ACOXL: variants seen among roughly 807,000 people sequenced by gnomAD.
ACOXL encodes the protein acyl-coenzyme A oxidase-like protein.
A neutral mutation model predicts 71.9 loss-of-function variants in ACOXL; 70 were observed. The observed-to-expected ratio is 0.97, with a 90% CI of 0.80 to 1.19. The LOEUF (loss-of-function observed/expected upper bound fraction) is 1.19. Among genes scored for constraint, ACOXL ranks in the 50% most tolerant of loss-of-function variants. The pLI is 0.00. For synonymous variants in ACOXL, 253 were observed against 281.6 expected, an observed-to-expected ratio of 0.90 and a Z score of 1.02; for missense variants, 703 against 736.3, an observed-to-expected ratio of 0.95 and a Z score of 0.52.
At chr2:110,755,331 A>C (rs2104844627) in intron 1 of ACOXL, among the ~76,000 whole-genome samples, 1 of 152,332 alleles carries the variant, frequency 6.6e-6, no homozygotes, top group Admixed American at 6.5e-5. Context: ...TTAGAGACCC[A>C]AGAAGACATA....
intron 17 of ACOXL, among the ~76,000 whole-genome samples, chr2:111,113,440 A>G (rs1039503612): frequency 3.3e-5 from 5 of 152,216 alleles, no homozygotes; most frequent in African/African-American, 1.2e-4. Flanking sequence ...AAAGTGCCAT[A>G]TGTTGCCACA....
At chr2:110,903,247 C>A (rs528843653) in intron 10 of ACOXL, among the ~76,000 whole-genome samples, 6 of 152,170 alleles carry the variant, frequency 3.9e-5, no homozygotes, top group South Asian at 2.1e-4. Flanking sequence ...ATGGCGCGGC[C>A]CCCCCAGAGG....
At chr2:110,915,350 A>ATATATATATATGTGTG (rs1491355100) in intron 11 of ACOXL, among the ~76,000 whole-genome samples, 1 of 113,634 alleles carries the variant, frequency 8.8e-6, no homozygotes, top group East Asian at 2.5e-4. Flanking sequence ...ATATATATAT[A>ATATATATATATGTGTG]TGTGTGTGTG....
intron 10 of ACOXL, among the ~76,000 whole-genome samples, chr2:110,888,288 G>T (rs976281704): frequency 1.3e-5 from 2 of 152,168 alleles, no homozygotes; most frequent in African/African-American, 4.8e-5. Context: ...GGCTTGTCCT[G>T]GGACTTCATG....
chr2:110,824,102 C>T (rs945803611), intron 9 of ACOXL, among the ~76,000 whole-genome samples: 1 of 152,104 alleles, frequency 6.6e-6, no homozygotes, highest in Non-Finnish European at 1.5e-5. Context: ...AGGTTCTTGA[C>T]CAATTTAAGG....
At chr2:110,869,985 A>AAGCCT (rs1695074075) in intron 10 of ACOXL, among the ~76,000 whole-genome samples, 1 of 152,268 alleles carries the variant, frequency 6.6e-6, no homozygotes, top group Admixed American at 6.5e-5. Context: ...TTCACCGAGC[A>AAGCCT]TGTGGGTCTC....
intron 9 of ACOXL, among the ~76,000 whole-genome samples, chr2:110,811,727 G>GCA (rs755379222): frequency 3.4e-4 from 10 of 29,334 alleles, no homozygotes; most frequent in Non-Finnish European, 6.9e-4. Context: ...TGTTTTTTTT[G>GCA]CATACACACA....
chr2:110,866,862 T>C (rs930466047), intron 10 of ACOXL, among the ~76,000 whole-genome samples: 20 of 152,172 alleles, frequency 1.3e-4, no homozygotes, highest in Admixed American at 1.3e-3. Context: ...CCCACTGTGC[T>C]AGAGACGAGG....
At chr2:110,905,643 C>T (rs990415774) in intron 10 of ACOXL, among the ~76,000 whole-genome samples, 3 of 152,110 alleles carry the variant, frequency 2.0e-5, no homozygotes, top group African/African-American at 7.2e-5. Context: ...ACTCAGTGCT[C>T]CCTGGGCCAG....
At chr2:110,843,607 C>A (rs1213004612) in intron 10 of ACOXL, among the ~76,000 whole-genome samples, 1 of 152,054 alleles carries the variant, frequency 6.6e-6, no homozygotes, top group African/African-American at 2.4e-5. Context: ...TCAAACAAGC[C>A]CTGCAGAGAG....
At chr2:110,851,398 T>C (rs1692582541) in intron 10 of ACOXL, among the ~76,000 whole-genome samples, 1 of 152,310 alleles carries the variant, frequency 6.6e-6, no homozygotes, top group East Asian at 1.9e-4. Context: ...GGGGGTTCTT[T>C]ATGTGGAATT....
chr2:110,956,645 G>A (rs1426464065), intron 12 of ACOXL, among the ~76,000 whole-genome samples: 6 of 152,180 alleles, frequency 3.9e-5, no homozygotes, highest in Admixed American at 3.9e-4. Flanking sequence ...GTGCCTCCTG[G>A]TTGGTGGGTC....
At chr2:111,062,663 G>A (rs2066876981) in intron 16 of ACOXL, among the ~76,000 whole-genome samples, 1 of 152,050 alleles carries the variant, frequency 6.6e-6, no homozygotes, top group Non-Finnish European at 1.5e-5. Flanking sequence ...GTGGAACATA[G>A]CCAAAACAGT....
At chr2:110,770,306 C>T (rs1681732753) in intron 2 of ACOXL, among the ~76,000 whole-genome samples, 1 of 152,166 alleles carries the variant, frequency 6.6e-6, no homozygotes, top group Non-Finnish European at 1.5e-5. Flanking sequence ...GGCCTGGGAT[C>T]CATGCTTGAA....
At chr2:110,787,559 G>GAA (rs1400020024) in intron 3 of ACOXL, among the ~76,000 whole-genome samples, 1 of 146,558 alleles carries the variant, frequency 6.8e-6, no homozygotes, top group East Asian at 2.0e-4. Flanking sequence ...AAAAGAAAAA[G>GAA]AAAAAAAAGA....
chr2:110,886,967 TC>T, intron 10 of ACOXL: 1 of 1,225,458 alleles, frequency 8.2e-7, no homozygotes, highest in Non-Finnish European at 1.1e-6. Flanking sequence ...CACTGCACTA[TC>T]CCAAACTTTT....
chr2:110,907,765 A>C (rs1473499992), intron 10 of ACOXL, among the ~76,000 whole-genome samples: 1 of 152,242 alleles, frequency 6.6e-6, no homozygotes, highest in East Asian at 1.9e-4. Context: ...AAACACTAAA[A>C]AGATTATGAT....
At chr2:110,771,489 TC>T in intron 2 of ACOXL, among the ~76,000 whole-genome samples, 1 of 152,284 alleles carries the variant, frequency 6.6e-6, no homozygotes, top group South Asian at 2.1e-4. Context: ...ATGATGATGT[TC>T]TAGGGGACAA....
chr2:111,010,679 A>C (rs1236272442), intron 14 of ACOXL, among the ~76,000 whole-genome samples: 4 of 152,176 alleles, frequency 2.6e-5, no homozygotes, highest in Non-Finnish European at 5.9e-5. Context: ...ATAAAGAATA[A>C]ATCTTAAAAG....
Sources: allele counts gnomAD v4.1 joint callset (sites outside exome capture counted in the v4.1 genomes callset), GRCh38; gene constraint gnomAD v4.1.1; transcripts MANE v1.5; gene names NCBI Gene and HGNC (gene_info 2026-07-23, HGNC 2026-07-21).